The following ZFHX3 variants were observed in gnomAD, a reference collection of about 807,000 sequenced individuals.
The protein encoded by ZFHX3 is zinc finger homeobox protein 3.
In ZFHX3, 42 loss-of-function variants were observed where a neutral mutation model predicts 279.1. That is an observed-to-expected ratio of 0.15 (90% confidence interval 0.12 to 0.19). ZFHX3 has a LOEUF of 0.19. ZFHX3 is among the 10% of genes least tolerant of loss of function. The pLI is 1.00. For synonymous variants in ZFHX3, 2,293 were observed against 1,957.8 expected, an observed-to-expected ratio of 1.17 and a Z score of -4.52; for missense variants, 4,981 against 4,754.0, an observed-to-expected ratio of 1.05 and a Z score of -1.40.
At chr16:73,504,289 A>C (rs1230676017) in intron 2 of ZFHX3, 3 of 152,226 alleles carry the variant, frequency 2.0e-5, no homozygotes, top group African/African-American at 7.2e-5. Context: ...GAAGGAAAGA[A>C]ACAAGTGAAC....
At chr16:73,266,191 G>A (rs1041886996) in intron 4 of ZFHX3, among the ~76,000 whole-genome samples, 1 of 152,214 alleles carries the variant, frequency 6.6e-6, no homozygotes, top group African/African-American at 2.4e-5. Context: ...CTCACCGCCT[G>A]TATCCAGTGG....
chr16:73,046,259 C>A (rs1370008597), intron 1 of ZFHX3, among the ~76,000 whole-genome samples: 1 of 152,188 alleles, frequency 6.6e-6, no homozygotes, highest in Non-Finnish European at 1.5e-5. Flanking sequence ...CTCCTGACTT[C>A]CCTCACACCT....
intron 4 of ZFHX3, among the ~76,000 whole-genome samples, chr16:73,279,454 G>A (rs1252200416): frequency 1.3e-5 from 2 of 151,850 alleles, no homozygotes; most frequent in Non-Finnish European, 2.9e-5. Context: ...ATATTCAAGG[G>A]AACATTGCAT....
Position 73,055,121 on chromosome 16 carries a change from TTC to T in ZFHX3, c.-24+3407_-24+3408del, listed in dbSNP as rs770913874. Among the ~76,000 whole-genome samples the T allele has an allele frequency of 1.4e-4, 22 of 152,054 alleles. No homozygotes were observed. The South Asian group carries it at 1.9e-3, about 13-fold the overall frequency. ...TTACGACCTAAACATGCCTTTTCTTTTCTCTCTCTTTTTTTTTTTAATAGTTT... is the reference window on the plus strand; with the variant it reads ...TTACGACCTAAACATGCCTTTTCTTTTCTCTCTTTTTTTTTTTAATAGTTT... On this transcript the variant is annotated intron_variant, in intron 1 of 8. Coordinates refer to the ZFHX3 transcript ENST00000397992.
intron 1 of ZFHX3, among the ~76,000 whole-genome samples, chr16:73,038,436 AC>A (rs1964991128): frequency 6.6e-6 from 1 of 152,014 alleles, no homozygotes; most frequent in Non-Finnish European, 1.5e-5. Flanking sequence ...GTAGAAAACG[AC>A]CTGACGTCAT....
intron 5 of ZFHX3, among the ~76,000 whole-genome samples, chr16:73,179,857 G>A (rs1048586794): frequency 6.6e-6 from 1 of 152,086 alleles, no homozygotes; most frequent in African/African-American, 2.4e-5. Flanking sequence ...CCTTCAGAAG[G>A]GGGACCCACT....
chr16:72,812,163 A>G, intron 5 of ZFHX3, 125 bp from the exon 6 acceptor site: 1 of 1,309,768 alleles, frequency 7.6e-7, no homozygotes, highest in Non-Finnish European at 1.0e-6. Flanking sequence ...AAAATTCAAG[A>G]AGGATGAACA....
chr16:73,635,427 C>G (rs1413220470), intron 2 of ZFHX3, among the ~76,000 whole-genome samples: 1 of 152,188 alleles, frequency 6.6e-6, no homozygotes, highest in Non-Finnish European at 1.5e-5. Context: ...CCTTTTGAAA[C>G]AGACAAACAC....
intron 3 of ZFHX3, chr16:73,421,500 T>C (rs186000146): frequency 6.6e-6 from 1 of 152,360 alleles, no homozygotes; most frequent in African/African-American, 2.4e-5. Flanking sequence ...TACATAAATA[T>C]CTTTAGGATA....
At chr16:73,378,064 AAAAAATC>A in intron 3 of ZFHX3, among the ~76,000 whole-genome samples, 1 of 141,914 alleles carries the variant, frequency 7.0e-6, no homozygotes, top group African/African-American at 2.7e-5. Flanking sequence ...AAAAAAAAAA[AAAAAATC>A]TTATACACAT....
intron 2 of ZFHX3, among the ~76,000 whole-genome samples, chr16:73,506,655 C>T (rs2019331983): frequency 6.6e-6 from 1 of 152,110 alleles, no homozygotes; most frequent in Admixed American, 6.5e-5. Context: ...CACATGTAGC[C>T]CTGACCGCGA....
At chr16:73,747,962 T>G (rs2053719532) in intron 1 of ZFHX3, among the ~76,000 whole-genome samples, 1 of 152,204 alleles carries the variant, frequency 6.6e-6, no homozygotes, top group Non-Finnish European at 1.5e-5. Context: ...TTTGTTATCA[T>G]AAAGCTAAAT....
intron 2 of ZFHX3, among the ~76,000 whole-genome samples, chr16:73,619,316 G>A (rs1232859572): frequency 2.6e-5 from 4 of 151,502 alleles, no homozygotes; most frequent in Non-Finnish European, 5.9e-5. Flanking sequence ...GTGAAATCCC[G>A]TCTCTACTAA....
At chr16:73,786,851 T>C (rs1244822133) in intron 1 of ZFHX3, among the ~76,000 whole-genome samples, 2 of 152,126 alleles carry the variant, frequency 1.3e-5, no homozygotes, top group Non-Finnish European at 2.9e-5. Flanking sequence ...TCCTAGCTCT[T>C]CCCGTACCCA....
chr16:73,477,685 G>C (rs1441894175), intron 2 of ZFHX3, among the ~76,000 whole-genome samples: 1 of 152,204 alleles, frequency 6.6e-6, no homozygotes, highest in Admixed American at 6.5e-5. Flanking sequence ...GGCAGCAGCA[G>C]TCACTTCTCA....
At chr16:72,887,293 T>C (rs1413820070) in intron 4 of ZFHX3, among the ~76,000 whole-genome samples, 1 of 152,152 alleles carries the variant, frequency 6.6e-6, no homozygotes, top group Non-Finnish European at 1.5e-5. Flanking sequence ...TTAGGAAATG[T>C]CTACTTCTGG....
intron 2 of ZFHX3, among the ~76,000 whole-genome samples, chr16:73,647,663 G>A (rs914987311): frequency 3.3e-5 from 5 of 151,932 alleles, no homozygotes; most frequent in Admixed American, 3.3e-4. Flanking sequence ...ATACATTAAA[G>A]TTATGAAAAC....
At chr16:72,903,662 C>T (rs1171916701) in intron 3 of ZFHX3, among the ~76,000 whole-genome samples, 1 of 152,164 alleles carries the variant, frequency 6.6e-6, no homozygotes, top group Non-Finnish European at 1.5e-5. Flanking sequence ...CACAGAGGCC[C>T]TTGTGACAAC....
At chr16:73,689,890 G>T (rs868629727) in intron 1 of ZFHX3, among the ~76,000 whole-genome samples, 1 of 150,950 alleles carries the variant, frequency 6.6e-6, no homozygotes, top group African/African-American at 2.4e-5. Context: ...AGTGGTGCAC[G>T]CTCACTGCAA....
Sources: gnomAD v4.1 joint callset for allele counts (sites outside exome capture counted in the v4.1 genomes callset) on GRCh38, gnomAD v4.1.1 for gene constraint, MANE v1.5 for transcripts, NCBI Gene and HGNC (gene_info 2026-07-23, HGNC 2026-07-21) for gene names.